Variants in ACTN4 observed in about 807,000 individuals in gnomAD.
The protein encoded by ACTN4 is alpha-actinin-4.
Under a neutral mutation model 114.2 loss-of-function variants are expected in ACTN4, and 18 were observed. The observed-to-expected ratio is 0.16, with a 90% CI of 0.11 to 0.23. The LOEUF (loss-of-function observed/expected upper bound fraction) is 0.23, where lower values mean the gene tolerates loss of function less well. Ranked by LOEUF, ACTN4 falls within the 10% of genes least tolerant of loss-of-function variation. The pLI is 1.00. For missense variants in ACTN4, 722 were observed against 1,262.9 expected, an observed-to-expected ratio of 0.57 and a Z score of 6.49; for synonymous variants, 515 against 506.3, an observed-to-expected ratio of 1.02 and a Z score of -0.23.
intron 11 of ACTN4, among the ~76,000 whole-genome samples, chr19:38,720,249 T>C (rs1029916661): frequency 6.6e-6 from 1 of 152,156 alleles, no homozygotes; most frequent in Non-Finnish European, 1.5e-5. Flanking sequence ...TTCCTGGGAA[T>C]ACGACCAACC....
At chr19:38,709,571 G>C in intron 7 of ACTN4, 95 bp downstream of exon 7, 1 of 1,105,362 alleles carries the variant, frequency 9.0e-7, no homozygotes, top group Admixed American at 1.8e-5. Context: ...GCACATCAGA[G>C]CTTTGGGTCA....
intron 1 of ACTN4, among the ~76,000 whole-genome samples, chr19:38,660,876 G>C (rs1293084328): frequency 6.6e-6 from 1 of 152,194 alleles, no homozygotes; most frequent in East Asian, 1.9e-4. Context: ...ATTGGGAATG[G>C]CTTTGCGAGC....
At chr19:38,688,271 G>T (rs754630827) in intron 1 of ACTN4, among the ~76,000 whole-genome samples, 2 of 151,212 alleles carry the variant, frequency 1.3e-5, no homozygotes, top group Non-Finnish European at 1.5e-5. Flanking sequence ...AAATTAGGCC[G>T]GGTATGGTGG....
Position 38,724,392 on chromosome 19 carries a change from A to T in ACTN4, c.1876-39A>T, listed in dbSNP as rs373236430. ...GGGCAGGACGGCGGGGCTGGGGGCC[A>T]CCTCCCTGACCGCTCCCACACCGCG... On this transcript the variant is annotated intron_variant, in intron 15 of 20. Coordinates refer to ENST00000252699, the MANE Select transcript of ACTN4 (RefSeq NM_004924.6). The surrounding 1 kb of genome is among the most constrained non-coding windows in gnomAD (Gnocchi z 7.0). The T allele has an allele frequency of 1.9e-6, 3 of 1,611,070 alleles. No individual in the cohort carries two copies. The highest frequency in any genetic ancestry group is 2.5e-6 in the Non-Finnish European group (3 of 1,179,212).
chr19:38,730,679 G>T lies in ACTN4; in HGVS notation c.*1247G>T. On this transcript the variant is annotated 3_prime_UTR_variant, in exon 21 of 21. Transcript: ENST00000252699. ...AAGGGCTGTCGCTGTTCTTGTTTCTGAGTGAGGAGTACGCAGGCCAGAGTG... is the reference window on the plus strand; with the variant it reads ...AAGGGCTGTCGCTGTTCTTGTTTCTTAGTGAGGAGTACGCAGGCCAGAGTG... The T allele has an allele frequency of 1.4e-6, 1 of 706,866 alleles. No homozygotes were observed. Among genetic ancestry groups the T allele is most frequent in the Non-Finnish European group, 2.4e-6 (1 of 419,618 alleles). The allele number at this position is 706,866 out of a possible 1,614,324, so 43.8% of individuals were successfully genotyped here. A position where few individuals can be genotyped will look rare whatever the true frequency, so the allele number is the denominator to read the frequency against.
chr19:38,689,146 G>C (rs912908838), intron 1 of ACTN4, among the ~76,000 whole-genome samples: 1 of 152,150 alleles, frequency 6.6e-6, no homozygotes, highest in African/African-American at 2.4e-5. Context: ...TCACGGTGGT[G>C]CTAATATCCA....
At chr19:38,692,878 G>A (rs771671739) in intron 1 of ACTN4, among the ~76,000 whole-genome samples, 13 of 152,226 alleles carry the variant, frequency 8.5e-5, no homozygotes, top group Admixed American at 1.3e-4. Context: ...GTGGGACGGC[G>A]CCCTCCCCCT....
intron 1 of ACTN4, 77 bp downstream of exon 1, chr19:38,647,984 G>T (rs1304418763): frequency 6.5e-6 from 9 of 1,379,054 alleles, no homozygotes; most frequent in Non-Finnish European, 8.5e-6. Context: ...GTCCTGAAAG[G>T]TAACTGGAGC....
intron 1 of ACTN4, among the ~76,000 whole-genome samples, chr19:38,650,791 CCGGGCGTGATCTTGGCTCACCG>C (rs1371117185): frequency 1.3e-5 from 2 of 151,814 alleles, no homozygotes; most frequent in Admixed American, 1.3e-4. Flanking sequence ...CTCTTGTTGC[CCGGGCGTGATCTTGGCTCACCG>C]CAACCTCCGT....
At chr19:38,725,952 C>T in intron 17 of ACTN4, 49 bp downstream of exon 17, 2 of 1,606,358 alleles carry the variant, frequency 1.2e-6, no homozygotes, top group Non-Finnish European at 1.7e-6. Flanking sequence ...TGGCCGGCTT[C>T]CTCACTGGAA....
At chr19:38,711,228 T>C in intron 8 of ACTN4, 1 of 951,040 alleles carries the variant, frequency 1.1e-6, no homozygotes, top group Non-Finnish European at 1.3e-6. Context: ...TCCCTGCGTC[T>C]TTCACTCTCT....
chr19:38,707,893 G>A (rs1968513250), intron 5 of ACTN4, among the ~76,000 whole-genome samples: 2 of 152,194 alleles, frequency 1.3e-5, no homozygotes, highest in Admixed American at 1.3e-4. Context: ...TGGCTTACCC[G>A]AGGTCACACT....
intron 1 of ACTN4, among the ~76,000 whole-genome samples, chr19:38,684,941 T>TTTTG (rs754083581): frequency 4.0e-4 from 61 of 151,912 alleles, no homozygotes; most frequent in East Asian, 7.7e-4. Flanking sequence ...CCAAATGGCT[T>TTTTG]TTTGTTTGTT....
In ACTN4 at chr19:38,673,517, T is replaced by TTATATATATGAATA. The variant is rs1302416290; in HGVS notation, c.162+25619_162+25620insGAATATATATATAT. Among the ~76,000 whole-genome samples the TTATATATATGAATA allele has an allele frequency of 3.1e-3, 246 of 80,128 alleles. 3 individuals carry two copies. Among genetic ancestry groups the TTATATATATGAATA allele is most frequent in the African/African-American group, 7.3e-3 (173 of 23,548 alleles). The allele number at this position is 80,128 out of a possible 152,430, so 52.6% of individuals were successfully genotyped here. A position where few individuals can be genotyped will look rare whatever the true frequency, so the allele number is the denominator to read the frequency against. Reference sequence around the variant, plus strand: ...TATATTTATATATATGAATATATATTTATATATATTCATATATACTTATAT... The same window carrying TTATATATATGAATA: ...TATATTTATATATATGAATATATATTTATATATATGAATATATATATATTCATATATACTTATAT... On this transcript the variant is annotated intron_variant, in intron 1 of 20. Transcript: ENST00000252699.
rs1464402991 is a variant in ACTN4 at position 38,721,666 on chromosome 19, G to A, written c.1420G>A (p.Ala474Thr). 3.7e-6 allele frequency: 6 copies of A among 1,613,598 alleles called. No homozygotes were observed. The highest frequency in any genetic ancestry group is 3.3e-5 in the South Asian group (3 of 91,090). ...GCACCAGGACCGCGTGGAGCAGATC[G>A]CCGCCATTGCCCAGGAGCTCAAGTA... The part of the protein sequence containing the change: ...AAHQDRVEQI[A>T]AIAQELNELD... The change falls in exon 12 of 21, where the codon GCC becomes ACC. Residue 474 changes from alanine to threonine, a missense_variant. Coordinates refer to ENST00000252699, the MANE Select transcript of ACTN4 (RefSeq NM_004924.6).
At position 38,707,625 on chromosome 19, in the gene ACTN4, G is replaced by A. The variant is rs535337237; in HGVS notation, c.573-492G>A. On this transcript the variant is annotated intron_variant, in intron 5 of 20. Transcript: ENST00000252699. The stretch of plus-strand genomic sequence containing the variant: ...AAATCCTGGCATTTAGCCAGCCCAC[G>A]GACTGGCCTTCCTGTAAGTCAGGTC... 1.2e-3 allele frequency among the ~76,000 whole-genome samples: 185 copies of A among 152,280 alleles called. 7 individuals are homozygous for A. In the South Asian group the frequency reaches 0.037, roughly 31 times the overall value.
At chr19:38,658,416 G>A (rs1976774638) in intron 1 of ACTN4, among the ~76,000 whole-genome samples, 1 of 152,158 alleles carries the variant, frequency 6.6e-6, no homozygotes, top group Non-Finnish European at 1.5e-5. Flanking sequence ...CCAAGCACAA[G>A]TAACTTTTTT....
intron 3 of ACTN4, among the ~76,000 whole-genome samples, chr19:38,702,718 C>T (rs927549730): frequency 1.3e-4 from 20 of 152,180 alleles, no homozygotes; most frequent in Non-Finnish European, 2.9e-4. Context: ...CACTGGGTCC[C>T]TCCCCTGTCT....
chr19:38,731,493 G>T lies in ACTN4; in HGVS notation c.*2061G>T. 1 of 520,242 alleles carries T rather than the reference G, an allele frequency of 1.9e-6. No individual in the cohort carries two copies. The highest frequency in any genetic ancestry group is 3.5e-6 in the Non-Finnish European group (1 of 285,462). 32.2% of individuals were successfully genotyped at this position (520,242 alleles called of 1,614,324 possible). A position where few individuals can be genotyped will look rare whatever the true frequency, so the allele number is the denominator to read the frequency against. On this transcript the variant is annotated 3_prime_UTR_variant, in exon 21 of 21. Coordinates refer to ENST00000252699, the MANE Select transcript of ACTN4 (RefSeq NM_004924.6). ...GTCTGACACGTGACTCGATGTGTGGGTACTGTTACTCCTTAAATCCTGTGG... is the reference window on the plus strand; with the variant it reads ...GTCTGACACGTGACTCGATGTGTGGTTACTGTTACTCCTTAAATCCTGTGG...
Sources: allele counts gnomAD v4.1 joint callset (sites outside exome capture counted in the v4.1 genomes callset), GRCh38; gene constraint gnomAD v4.1.1; non-coding constraint Gnocchi (gnomAD v3.1); transcripts MANE v1.5; gene names NCBI Gene and HGNC (gene_info 2026-07-23, HGNC 2026-07-21).